The following SOD2 variants were observed in gnomAD, a reference collection of about 807,000 sequenced individuals.
The protein encoded by SOD2 is superoxide dismutase [Mn], mitochondrial.
In SOD2, 11 loss-of-function variants were observed where a neutral mutation model predicts 27.0. The observed-to-expected ratio is 0.41, with a 90% CI of 0.26 to 0.67. SOD2 has a LOEUF of 0.67. Among genes scored for constraint, SOD2 ranks in the 30% least tolerant of loss-of-function variants. The probability of loss-of-function intolerance (pLI) is 0.34; values close to 1 mark genes in which losing one functional copy is unlikely to be tolerated. For synonymous variants in SOD2, 105 were observed against 103.0 expected (o/e 1.02, Z -0.12); for missense variants, 250 against 274.5 (o/e 0.91, Z 0.63).
At chr6:159,712,417 A>C (rs28664994) in intron 1 of SOD2, among the ~76,000 whole-genome samples, 4,025 of 45,226 alleles carry the variant, frequency 0.089, 100 homozygotes, top group East Asian at 0.12. Context: ...TCTGATCACC[A>C]TAACCACCTC....
intron 1 of SOD2, among the ~76,000 whole-genome samples, chr6:159,724,551 C>T (rs1778103049): frequency 6.6e-6 from 1 of 152,008 alleles, no homozygotes; most frequent in Non-Finnish European, 1.5e-5. Context: ...ATTTTTTTCA[C>T]CCCAACACAG....
intron 1 of SOD2, among the ~76,000 whole-genome samples, chr6:159,743,324 G>A (rs1779375156): frequency 6.6e-6 from 1 of 152,238 alleles, no homozygotes; most frequent in Admixed American, 6.5e-5. Context: ...TGGGATTACA[G>A]GCGTGAGCCT....
chr6:159,678,612 A>T lies in SOD2; in HGVS notation c.*3881T>A, dbSNP rs530013170. 6.6e-6 allele frequency: 1 copy of T among 152,372 alleles called. No homozygotes were observed. The highest frequency in any genetic ancestry group is 2.1e-4 in the South Asian group (1 of 4,830). The allele number at this position is 152,372 out of a possible 1,614,324, so 9.4% of individuals were successfully genotyped here. ...GTAGTTTTAATAAAGTAATAAAATT[A>T]AAAATGGGTAAACATAAGTAGAGTG... On this transcript the variant is annotated 3_prime_UTR_variant, in exon 5 of 5. Coordinates refer to ENST00000538183, the MANE Select transcript of SOD2 (RefSeq NM_000636.4).
At chr6:159,754,914 T>C (rs1464664330) in intron 1 of SOD2, 31 of 1,113,144 alleles carry the variant, frequency 2.8e-5, no homozygotes, top group African/African-American at 4.7e-5. Context: ...GATTTTAGAA[T>C]TGTATTTGTT....
intron 1 of SOD2, chr6:159,727,027 G>C (rs1160188507): frequency 2.4e-6 from 3 of 1,233,930 alleles, no homozygotes; most frequent in Non-Finnish European, 3.1e-6. Flanking sequence ...CCCCGCAGCC[G>C]CAGGTGGCCC....
exon 1 of SOD2, chr6:159,761,126 A>AGTTCTTCAGGAAG (rs1449263544): frequency 6.2e-6 from 1 of 160,118 alleles, no homozygotes; most frequent in Admixed American, 6.4e-5. Flanking sequence ...TCAACTTTAA[A>AGTTCTTCAGGAAG]GTTCTTCAGG....
At chr6:159,703,675 G>C (rs139339312) in intron 1 of SOD2, among the ~76,000 whole-genome samples, 32 of 152,192 alleles carry the variant, frequency 2.1e-4, no homozygotes, top group Middle Eastern at 3.4e-3. Context: ...ACTTTGAATC[G>C]CATACACAGC....
intron 1 of SOD2, among the ~76,000 whole-genome samples, chr6:159,706,322 C>A (rs1204657721): frequency 1.3e-5 from 2 of 152,094 alleles, no homozygotes; most frequent in Admixed American, 1.3e-4. Context: ...CACAGACTGG[C>A]AAATTGGATA....
exon 1 of SOD2, chr6:159,761,486 C>A: frequency 2.2e-6 from 1 of 455,248 alleles, no homozygotes; most frequent in South Asian, 1.6e-5. Flanking sequence ...TCCTAGCAAG[C>A]CCCTCACGCG....
chr6:159,723,594 C>G (rs1365866139), intron 1 of SOD2, among the ~76,000 whole-genome samples: 4 of 152,176 alleles, frequency 2.6e-5, no homozygotes, highest in African/African-American at 9.7e-5. Context: ...CTCACTGTTA[C>G]TGTAGGGTGC....
intron 1 of SOD2, chr6:159,726,178 G>A (rs541181193): frequency 3.3e-5 from 5 of 152,614 alleles, no homozygotes; most frequent in East Asian, 1.9e-4. Flanking sequence ...ACTCCCACCA[G>A]GAAAGGTAAT....
chr6:159,747,227 A>G (rs1422523839), upstream of SOD2, among the ~76,000 whole-genome samples: 1 of 152,184 alleles, frequency 6.6e-6, no homozygotes, highest in Non-Finnish European at 1.5e-5. Context: ...ATATTTTAGA[A>G]ATGTATTTTT....
upstream of SOD2, among the ~76,000 whole-genome samples, chr6:159,693,591 G>C (rs1378239845): frequency 1.3e-5 from 2 of 152,226 alleles, no homozygotes; most frequent in Admixed American, 6.5e-5. Context: ...CCCTGAGGGT[G>C]CCGGCGGGGA....
intron 1 of SOD2, among the ~76,000 whole-genome samples, chr6:159,714,390 AGCTTCCAT>A (rs1390245164): frequency 6.6e-6 from 1 of 152,140 alleles, no homozygotes; most frequent in Non-Finnish European, 1.5e-5. Context: ...AGATAAGCCT[AGCTTCCAT>A]CGGGAACAGA....
At chr6:159,755,566 G>A (rs1432710988) in intron 1 of SOD2, 1 of 1,613,926 alleles carries the variant, frequency 6.2e-7, no homozygotes, top group Non-Finnish European at 8.5e-7. Context: ...GCCACGTTCA[G>A]AATGGCTTGG....
chr6:159,704,146 G>A (rs960633615), intron 1 of SOD2, among the ~76,000 whole-genome samples: 12 of 152,100 alleles, frequency 7.9e-5, no homozygotes, highest in South Asian at 2.1e-4. Flanking sequence ...TAGGAGAGGC[G>A]GATCCAAGAT....
chr6:159,733,980 C>T (rs1234843367), intron 1 of SOD2, among the ~76,000 whole-genome samples: 3 of 152,124 alleles, frequency 2.0e-5, no homozygotes, highest in East Asian at 1.9e-4. Flanking sequence ...TATGATTTTT[C>T]CTCTAAATTC....
intron 1 of SOD2, 37 bp downstream of exon 1, chr6:159,693,108 G>A: frequency 6.6e-7 from 1 of 1,523,532 alleles, no homozygotes; most frequent in Non-Finnish European, 8.8e-7. Flanking sequence ...GAGCCCCTTC[G>A]CCCTTGGGGC....
chr6:159,693,379 G>A (rs1189158127), upstream of SOD2: 2 of 190,710 alleles, frequency 1.0e-5, no homozygotes, highest in East Asian at 2.8e-4. Context: ...CAACCCCGGG[G>A]GTGCCCTGCG....
Sources: allele counts gnomAD v4.1 joint callset (sites outside exome capture counted in the v4.1 genomes callset), GRCh38; gene constraint gnomAD v4.1.1; transcripts MANE v1.5; gene names NCBI Gene and HGNC (gene_info 2026-07-23, HGNC 2026-07-21).